CTNNA3: variants seen among roughly 807,000 people sequenced by gnomAD.
The protein encoded by CTNNA3 is catenin alpha-3.
Under a neutral mutation model 95.7 loss-of-function variants are expected in CTNNA3, and 76 were observed. The ratio of observed to expected loss-of-function variants is 0.79; its 90% CI spans 0.66 to 0.96. The LOEUF (loss-of-function observed/expected upper bound fraction) is 0.96, where lower values mean the gene tolerates loss of function less well. Among genes scored for constraint, CTNNA3 ranks in the 40% least tolerant of loss-of-function variants. The pLI is 0.00. For synonymous variants in CTNNA3, 431 were observed against 374.4 expected, an observed-to-expected ratio of 1.15 and a Z score of -1.74; for missense variants, 1,191 against 1,089.8, an observed-to-expected ratio of 1.09 and a Z score of -1.31.
intron 13 of CTNNA3, among the ~76,000 whole-genome samples, chr10:66,263,163 G>C (rs1051448164): frequency 2.6e-5 from 4 of 151,938 alleles, no homozygotes; most frequent in African/African-American, 7.2e-5. Flanking sequence ...GCCATCATTG[G>C]GGGTAACAGA....
intron 7 of CTNNA3, among the ~76,000 whole-genome samples, chr10:67,136,058 C>G (rs565540254): frequency 6.6e-6 from 1 of 152,130 alleles, no homozygotes; most frequent in African/African-American, 2.4e-5. Flanking sequence ...TTTTATTTAG[C>G]CTTCAATCAT....
At chr10:66,311,592 A>G (rs2092021726) in intron 12 of CTNNA3, among the ~76,000 whole-genome samples, 1 of 152,200 alleles carries the variant, frequency 6.6e-6, no homozygotes, top group African/African-American at 2.4e-5. Context: ...TTGACCCGCA[A>G]GCTCCAGCAG....
At chr10:67,044,018 T>C (rs1399577500) in intron 7 of CTNNA3, among the ~76,000 whole-genome samples, 3 of 151,864 alleles carry the variant, frequency 2.0e-5, no homozygotes, top group Admixed American at 2.0e-4. Context: ...ATGCTGAGGT[T>C]TGGGGACACA....
chr10:66,157,442 TA>T lies in CTNNA3; in HGVS notation c.1885-54194del, dbSNP rs879809092. 7.8e-3 allele frequency among the ~76,000 whole-genome samples: 1,182 copies of T among 151,250 alleles called. 25 individuals are homozygous for T. Among genetic ancestry groups the T allele is most frequent in the South Asian group, 0.073 (345 of 4,730 alleles). On this transcript the variant is annotated intron_variant, in intron 13 of 17. Transcript: ENST00000433211. ...GTAGGTAGGTAGGTAGATAGATAGA[TA>T]GATGATAGATAGATAGATAGATAGA... is the stretch of plus-strand genomic sequence containing the variant.
intron 5 of CTNNA3, among the ~76,000 whole-genome samples, chr10:67,472,094 C>T (rs1051847738): frequency 1.8e-4 from 28 of 152,140 alleles, no homozygotes; most frequent in African/African-American, 6.5e-4. Context: ...TTACTAGTTG[C>T]TAGGCAATGT....
intron 13 of CTNNA3, among the ~76,000 whole-genome samples, chr10:66,136,258 A>C (rs117976279): frequency 3.9e-3 from 595 of 152,356 alleles, no homozygotes; most frequent in Non-Finnish European, 4.5e-3. Context: ...TGCATATAAT[A>C]AATCAATTCT....
chr10:67,686,282 GTACTGT>G (rs1840728743), intron 1 of CTNNA3, among the ~76,000 whole-genome samples: 1 of 152,232 alleles, frequency 6.6e-6, no homozygotes, highest in South Asian at 2.1e-4. Flanking sequence ...TTAGTTTCAA[GTACTGT>G]TACTATGGCA....
intron 1 of CTNNA3, among the ~76,000 whole-genome samples, chr10:67,689,406 TAA>T (rs1840798302): frequency 6.6e-6 from 1 of 151,942 alleles, no homozygotes; most frequent in Non-Finnish European, 1.5e-5. Flanking sequence ...CTAAAGAAGG[TAA>T]AAGAGTCCTG....
intron 2 of CTNNA3, among the ~76,000 whole-genome samples, chr10:67,611,070 C>T (rs1439348497): frequency 6.6e-6 from 1 of 152,176 alleles, no homozygotes; most frequent in Admixed American, 6.5e-5. Flanking sequence ...GAAATTCCCA[C>T]TCTATTAATT....
At chr10:66,846,241 C>T (rs1048095801) in intron 7 of CTNNA3, among the ~76,000 whole-genome samples, 4 of 152,096 alleles carry the variant, frequency 2.6e-5, no homozygotes, top group South Asian at 2.1e-4. Flanking sequence ...CTCACTTATA[C>T]GTAAAATCTA....
At chr10:66,024,085 A>ATTTTTTTTTTTTTTTTTTTTTTTTTTTTT (rs71474007) in intron 15 of CTNNA3, among the ~76,000 whole-genome samples, 2 of 87,750 alleles carry the variant, frequency 2.3e-5, no homozygotes, top group Non-Finnish European at 4.2e-5. Flanking sequence ...TACCATACAC[A>ATTTTTTTTTTTTTTTTTTTTTTTTTTTTT]TTTTTTTTTT....
At chr10:66,607,874 T>C (rs554175606) in intron 10 of CTNNA3, among the ~76,000 whole-genome samples, 3 of 152,254 alleles carry the variant, frequency 2.0e-5, no homozygotes, top group Admixed American at 6.5e-5. Context: ...AAGCACTTCC[T>C]TGAAAACCAG....
Position 66,927,829 on chromosome 10 carries a change from A to G in CTNNA3, c.1048-152305T>C. The G allele has an allele frequency of 6.2e-7, 1 of 1,614,208 alleles. No homozygotes were observed. Among genetic ancestry groups the G allele is most frequent in the Non-Finnish European group, 8.5e-7 (1 of 1,180,040 alleles). ...GATTTTGGATTCTTGGATATCCCTC[A>G]ATGACATCAGTCTTGCTGGGAATAT... On this transcript the variant is annotated intron_variant, in intron 7 of 17. Coordinates refer to ENST00000433211, the MANE Select transcript of CTNNA3 (RefSeq NM_013266.4). This position sits in a 1 kb window ranked among gnomAD's most constrained non-coding sequence, Gnocchi z 4.7.
rs192128816 is a variant in CTNNA3, at chr10:67,450,996, T to C, written c.579+70846A>G. Among the ~76,000 whole-genome samples the C allele has an allele frequency of 2.3e-3, 347 of 152,182 alleles. 2 individuals are homozygous for C. The highest frequency in any genetic ancestry group is 7.9e-3 in the African/African-American group (330 of 41,544). On this transcript the variant is annotated intron_variant, in intron 5 of 17. Coordinates refer to ENST00000433211, the MANE Select transcript of CTNNA3 (RefSeq NM_013266.4). ...CATGTGTTAGAAACTTAAACTGCCATTGTAACAGTATTAAGAGGTAGGGCC... is the reference window on the plus strand; with the variant it reads ...CATGTGTTAGAAACTTAAACTGCCACTGTAACAGTATTAAGAGGTAGGGCC...
chr10:67,162,377 T>C lies in CTNNA3; in HGVS notation c.1047+17940A>G, dbSNP rs540545233. 2.0e-5 allele frequency among the ~76,000 whole-genome samples: 3 copies of C among 149,792 alleles called. No individual in the cohort carries two copies. In the South Asian group the frequency reaches 6.3e-4, roughly 31 times the overall value. On this transcript the variant is annotated intron_variant, in intron 7 of 17. Coordinates refer to ENST00000433211, the MANE Select transcript of CTNNA3 (RefSeq NM_013266.4). ...CATTAAACTATATTAAGATAGACCA[T>C]ATCCTGGGCCATAAAATAGCCTCAA...
Position 66,943,076 on chromosome 10 carries a change from T to G in CTNNA3, c.1048-167552A>C, listed in dbSNP as rs929227874. On this transcript the variant is annotated intron_variant, in intron 7 of 17. Coordinates refer to ENST00000433211, the MANE Select transcript of CTNNA3 (RefSeq NM_013266.4). ...TAGGAAAAGCACTGAGTTAATTGAC[T>G]GGCTTTGGAAATTTACTTCACAAAG... 5.3e-5 allele frequency among the ~76,000 whole-genome samples: 8 copies of G among 152,340 alleles called. No individual in the cohort carries two copies. In the South Asian group the frequency reaches 1.7e-3, roughly 32 times the overall value.
chr10:66,909,288 A>G (rs1226240812), intron 7 of CTNNA3, among the ~76,000 whole-genome samples: 1 of 152,074 alleles, frequency 6.6e-6, no homozygotes. Context: ...GCCAAGGCAG[A>G]TGGATCACCT....
intron 9 of CTNNA3, among the ~76,000 whole-genome samples, chr10:66,660,490 G>A (rs1239202037): frequency 2.0e-5 from 3 of 152,190 alleles, no homozygotes. Context: ...GAGAGACAAA[G>A]TTATGGGATT....
rs528114752 is a variant in CTNNA3, at chr10:65,973,362, T to C, written c.2266-6616A>G. ...AAAAATTGACAAGTGGAATCTCTAA[T>C]TAAAGAGCTTCTGCATAGCAACAAA... On this transcript the variant is annotated intron_variant, in intron 16 of 17. Coordinates refer to ENST00000433211, the MANE Select transcript of CTNNA3 (RefSeq NM_013266.4). 2.0e-5 allele frequency among the ~76,000 whole-genome samples: 3 copies of C among 152,226 alleles called. No homozygotes were observed. The East Asian group carries it at 5.8e-4, about 29-fold the overall frequency.
Sources: gnomAD v4.1 joint callset for allele counts (sites outside exome capture counted in the v4.1 genomes callset) on GRCh38, gnomAD v4.1.1 for gene constraint, Gnocchi (gnomAD v3.1) non-coding constraint, MANE v1.5 for transcripts, NCBI Gene and HGNC (gene_info 2026-07-23, HGNC 2026-07-21) for gene names.